The following GNB4 variants were observed in gnomAD, a reference collection of about 807,000 sequenced individuals.
The protein encoded by GNB4 is G protein subunit beta 4, also known as guanine nucleotide-binding protein subunit beta-4.
GNB4 carries 28 observed loss-of-function variants against 45.2 expected under a neutral mutation model. The ratio of observed to expected loss-of-function variants is 0.62; its 90% CI spans 0.46 to 0.85. The LOEUF (loss-of-function observed/expected upper bound fraction) is 0.85. GNB4 is among the 40% of genes least tolerant of loss of function. GNB4 has a pLI of 0.00. For missense variants in GNB4, 321 were observed against 425.4 expected, an observed-to-expected ratio of 0.75 and a Z score of 2.16; for synonymous variants, 132 against 143.7, an observed-to-expected ratio of 0.92 and a Z score of 0.58.
chr3:179,407,899 A>G (rs943081626), intron 8 of GNB4, among the ~76,000 whole-genome samples: 1 of 152,176 alleles, frequency 6.6e-6, no homozygotes, highest in Non-Finnish European at 1.5e-5. Context: ...AAAACCTCGT[A>G]ATTTCTTGAG....
chr3:179,440,900 G>GAGAGAGAGAGAGAGAT (rs1715579190), intron 1 of GNB4, among the ~76,000 whole-genome samples: 1 of 151,658 alleles, frequency 6.6e-6, no homozygotes, highest in African/African-American at 2.4e-5. Flanking sequence ...GAGAGAGAGA[G>GAGAGAGAGAGAGAGAT]AGATACAATA....
the GNB4 span, among the ~76,000 whole-genome samples, chr3:179,458,217 A>G: frequency 6.6e-6 from 1 of 152,072 alleles, no homozygotes; most frequent in Non-Finnish European, 1.5e-5. Flanking sequence ...TTAGTTCTTA[A>G]TGTGATGTGG....
At chr3:179,440,400 A>G (rs1715565131) in intron 1 of GNB4, among the ~76,000 whole-genome samples, 2 of 152,238 alleles carry the variant, frequency 1.3e-5, no homozygotes, top group South Asian at 2.1e-4. Context: ...AAATGAATTA[A>G]TCTTTGTTAA....
the GNB4 span, among the ~76,000 whole-genome samples, chr3:179,472,011 A>G: frequency 1.4e-4 from 21 of 152,164 alleles, no homozygotes; most frequent in African/African-American, 5.1e-4. Context: ...TACAATAATT[A>G]TATGATTAAT....
Position 179,401,208 on chromosome 3 carries a change from C to T in GNB4, c.*5G>A. 6.3e-7 allele frequency: 1 copy of T among 1,593,894 alleles called. No individual in the cohort carries two copies. The highest frequency in any genetic ancestry group is 8.6e-7 in the Non-Finnish European group (1 of 1,162,520). ...ATCAATGGAGAACAAATATGTATGA[C>T]ACTGTTAATTCCAGATTCTAAGAAA... On this transcript the variant is annotated 3_prime_UTR_variant, in exon 10 of 10. Coordinates refer to ENST00000232564, the MANE Select transcript of GNB4 (RefSeq NM_021629.4).
intron 6 of GNB4, among the ~76,000 whole-genome samples, chr3:179,414,240 G>A (rs1714731910): frequency 6.6e-6 from 1 of 151,958 alleles, no homozygotes; most frequent in South Asian, 2.1e-4. Flanking sequence ...ATAAAATATT[G>A]TAAGAAATCA....
the GNB4 span, among the ~76,000 whole-genome samples, chr3:179,499,976 A>G: frequency 3.1e-3 from 469 of 152,272 alleles, 2 homozygotes; most frequent in African/African-American, 0.01. Context: ...GATTCTGGAT[A>G]TTAGCCCTTT....
the GNB4 span, among the ~76,000 whole-genome samples, chr3:179,509,987 C>A: frequency 1.3e-5 from 2 of 152,070 alleles, no homozygotes; most frequent in African/African-American, 4.8e-5. Context: ...TCACGCCCAG[C>A]TAATTTTTAT....
the GNB4 span, among the ~76,000 whole-genome samples, chr3:179,519,968 G>A: frequency 2.6e-5 from 4 of 152,028 alleles, no homozygotes; most frequent in Non-Finnish European, 5.9e-5. Context: ...TCCAAAAACC[G>A]GAAAGCCTTA....
intron 1 of GNB4, among the ~76,000 whole-genome samples, chr3:179,430,543 C>G (rs1369846973): frequency 4.6e-5 from 7 of 152,134 alleles, no homozygotes; most frequent in Non-Finnish European, 8.8e-5. Context: ...ACCTCAAACT[C>G]CTGAGCTCAC....
intron 2 of GNB4, among the ~76,000 whole-genome samples, chr3:179,423,928 GAA>G (rs1491131388): frequency 6.6e-6 from 1 of 152,144 alleles, no homozygotes; most frequent in Non-Finnish European, 1.5e-5. Flanking sequence ...TAACAGATGA[GAA>G]AGAGTAATGC....
intron 1 of GNB4, among the ~76,000 whole-genome samples, chr3:179,431,525 C>T (rs1715308366): frequency 6.7e-6 from 1 of 148,486 alleles, no homozygotes; most frequent in Non-Finnish European, 1.5e-5. Flanking sequence ...CGCCACTGCA[C>T]TCCAGCCTGG....
the GNB4 span, among the ~76,000 whole-genome samples, chr3:179,474,435 G>A: frequency 3.3e-5 from 5 of 152,090 alleles, no homozygotes; most frequent in Non-Finnish European, 5.9e-5. Context: ...TGTTGGCCAG[G>A]CTGGTCTTGA....
chr3:179,498,560 G>C, the GNB4 span, among the ~76,000 whole-genome samples: 9 of 152,170 alleles, frequency 5.9e-5, no homozygotes, highest in Admixed American at 1.3e-4. Context: ...CCTCAGCTCT[G>C]AGTAGCTAGG....
upstream of GNB4, among the ~76,000 whole-genome samples, chr3:179,454,773 G>C (rs1715954201): frequency 6.6e-6 from 1 of 152,124 alleles, no homozygotes; most frequent in Non-Finnish European, 1.5e-5. Flanking sequence ...TATTGTGTTT[G>C]AAATGAGGCC....
the GNB4 span, chr3:179,465,365 A>G: frequency 1.2e-6 from 1 of 852,110 alleles, no homozygotes; most frequent in Non-Finnish European, 1.9e-6. Flanking sequence ...GCACTTTGGG[A>G]GGCCGAGGCG....
At chr3:179,493,622 T>G in the GNB4 span, among the ~76,000 whole-genome samples, 1 of 151,522 alleles carries the variant, frequency 6.6e-6, no homozygotes, top group Non-Finnish European at 1.5e-5. Context: ...GGTCCCAGAA[T>G]GAGAAGAGAG....
At chr3:179,439,649 T>A (rs1319813904) in intron 1 of GNB4, among the ~76,000 whole-genome samples, 1 of 152,242 alleles carries the variant, frequency 6.6e-6, no homozygotes, top group Non-Finnish European at 1.5e-5. Flanking sequence ...GACAAATGTA[T>A]ATCTCACTGC....
chr3:179,453,893 G>T (rs544293480), upstream of GNB4, among the ~76,000 whole-genome samples: 1 of 151,078 alleles, frequency 6.6e-6, no homozygotes, highest in South Asian at 2.1e-4. Context: ...AGCCTATACT[G>T]AAAATCTGAA....
Sources: gnomAD v4.1 joint callset for allele counts (sites outside exome capture counted in the v4.1 genomes callset) on GRCh38, gnomAD v4.1.1 for gene constraint, MANE v1.5 for transcripts, NCBI Gene and HGNC (gene_info 2026-07-23, HGNC 2026-07-21) for gene names.